Variants in THSD4 observed in about 807,000 individuals in gnomAD.
THSD4 encodes the protein thrombospondin type-1 domain-containing protein 4.
THSD4 carries 69 observed loss-of-function variants against 119.0 expected under a neutral mutation model. The ratio of observed to expected loss-of-function variants is 0.58; its 90% CI spans 0.48 to 0.71. The LOEUF (loss-of-function observed/expected upper bound fraction) is 0.71. Among genes scored for constraint, THSD4 ranks in the 30% least tolerant of loss-of-function variants. The pLI is 0.00. For missense variants in THSD4, 1,393 were observed against 1,391.1 expected, an observed-to-expected ratio of 1.00 and a Z score of -0.02; for synonymous variants, 524 against 540.4, an observed-to-expected ratio of 0.97 and a Z score of 0.42.
chr15:71,551,298 C>T (rs1224635558), intron 7 of THSD4, among the ~76,000 whole-genome samples: 1 of 152,178 alleles, frequency 6.6e-6, no homozygotes, highest in East Asian at 1.9e-4. Flanking sequence ...GGTGAAAAGA[C>T]CAGATCTTTG....
chr15:71,288,654 AAC>A (rs1277823548), intron 6 of THSD4, among the ~76,000 whole-genome samples: 1 of 152,234 alleles, frequency 6.6e-6, no homozygotes, highest in African/African-American at 2.4e-5. Context: ...GAGAACAATC[AAC>A]ACAGTGATTA....
chr15:71,288,904 G>A (rs942688893), intron 6 of THSD4, among the ~76,000 whole-genome samples: 4 of 152,168 alleles, frequency 2.6e-5, no homozygotes, highest in African/African-American at 9.7e-5. Context: ...TTCTGCAGAA[G>A]GAAATATAAC....
intron 7 of THSD4, among the ~76,000 whole-genome samples, chr15:71,550,490 G>T (rs890424033): frequency 6.6e-6 from 1 of 152,184 alleles, no homozygotes; most frequent in Non-Finnish European, 1.5e-5. Flanking sequence ...AGACTGGAGT[G>T]CAGTGGCACA....
intron 6 of THSD4, among the ~76,000 whole-genome samples, chr15:71,378,764 G>A (rs1248699723): frequency 6.6e-6 from 1 of 152,138 alleles, no homozygotes; most frequent in African/African-American, 2.4e-5. Context: ...GTATAAGAAG[G>A]TAATGTTGTT....
chr15:71,307,889 A>G (rs549894508), intron 6 of THSD4, among the ~76,000 whole-genome samples: 49 of 152,376 alleles, frequency 3.2e-4, no homozygotes, highest in Non-Finnish European at 5.9e-4. Flanking sequence ...AATCAGGCAC[A>G]GGATTCTAGG....
intron 5 of THSD4, among the ~76,000 whole-genome samples, chr15:71,246,291 C>G (rs184759210): frequency 5.9e-5 from 9 of 152,138 alleles, no homozygotes; most frequent in Admixed American, 5.9e-4. Context: ...TGGCATACCC[C>G]CCTTTAGATA....
intron 7 of THSD4, among the ~76,000 whole-genome samples, chr15:71,414,792 A>G (rs2046737274): frequency 6.6e-6 from 1 of 152,220 alleles, no homozygotes; most frequent in Admixed American, 6.5e-5. Context: ...AGCCTGAAAC[A>G]GACATTTTCC....
intron 3 of THSD4, among the ~76,000 whole-genome samples, chr15:71,180,783 C>T (rs1186443062): frequency 6.6e-6 from 1 of 151,874 alleles, no homozygotes. Flanking sequence ...GGTGGCTATT[C>T]AATAGTGAGG....
chr15:71,616,055 AATTG>A (rs2050313713), intron 7 of THSD4, among the ~76,000 whole-genome samples: 1 of 152,172 alleles, frequency 6.6e-6, no homozygotes, highest in African/African-American at 2.4e-5. Flanking sequence ...CAAATGTGCC[AATTG>A]ATTGAAAAAC....
chr15:71,655,056 A>G (rs1266973912), intron 7 of THSD4, among the ~76,000 whole-genome samples: 2 of 152,160 alleles, frequency 1.3e-5, no homozygotes, highest in South Asian at 2.1e-4. Flanking sequence ...TTCTTGAGCA[A>G]TTTCTCCTGT....
chr15:71,400,350 A>G (rs574207408), intron 6 of THSD4, among the ~76,000 whole-genome samples: 8 of 152,310 alleles, frequency 5.3e-5, no homozygotes, highest in Non-Finnish European at 8.8e-5. Flanking sequence ...GACTTTTTCA[A>G]AACAGTTTTC....
chr15:71,301,955 C>A (rs1346947713), intron 6 of THSD4, among the ~76,000 whole-genome samples: 1 of 152,138 alleles, frequency 6.6e-6, no homozygotes, highest in Non-Finnish European at 1.5e-5. Context: ...AACTCCACTG[C>A]CTGATGCCCA....
intron 8 of THSD4, among the ~76,000 whole-genome samples, chr15:71,693,830 C>G (rs531204466): frequency 5.3e-5 from 8 of 152,102 alleles, no homozygotes; most frequent in Non-Finnish European, 1.2e-4. Context: ...TGTAAGACAT[C>G]CCTTTGCTCT....
chr15:71,556,571 G>A (rs999393501), intron 7 of THSD4, among the ~76,000 whole-genome samples: 8 of 151,518 alleles, frequency 5.3e-5, no homozygotes, highest in Admixed American at 1.3e-4. Context: ...GGTGAAACCC[G>A]TCTCTACAAA....
chr15:71,695,389 A>C (rs1200535877), intron 8 of THSD4, among the ~76,000 whole-genome samples: 1 of 151,442 alleles, frequency 6.6e-6, no homozygotes, highest in Non-Finnish European at 1.5e-5. Flanking sequence ...GTGTGTGTGC[A>C]AGTTCAGTTC....
chr15:71,511,441 A>T (rs937749308), intron 7 of THSD4, among the ~76,000 whole-genome samples: 6 of 152,226 alleles, frequency 3.9e-5, no homozygotes, highest in Non-Finnish European at 5.9e-5. Context: ...TGAACACCAC[A>T]GATTTTTGTT....
intron 1 of THSD4, among the ~76,000 whole-genome samples, chr15:71,124,509 C>A (rs1567132138): frequency 6.6e-6 from 1 of 152,138 alleles, no homozygotes; most frequent in Non-Finnish European, 1.5e-5. Context: ...TGATAGTCAA[C>A]AAAATCATTC....
chr15:71,557,046 A>G (rs1381901767), intron 7 of THSD4, among the ~76,000 whole-genome samples: 2 of 152,154 alleles, frequency 1.3e-5, no homozygotes, highest in Non-Finnish European at 2.9e-5. Context: ...TGGGGGCAGT[A>G]TTATTTTGTT....
At chr15:71,133,422 T>A (rs1259419783) in intron 1 of THSD4, among the ~76,000 whole-genome samples, 3 of 152,200 alleles carry the variant, frequency 2.0e-5, no homozygotes, top group Non-Finnish European at 4.4e-5. Flanking sequence ...CGGGAACACC[T>A]GCTGCACCCC....
Sources: gnomAD v4.1 joint callset for allele counts (sites outside exome capture counted in the v4.1 genomes callset) on GRCh38, gnomAD v4.1.1 for gene constraint, MANE v1.5 for transcripts, NCBI Gene and HGNC (gene_info 2026-07-23, HGNC 2026-07-21) for gene names.